Variants in PPARGC1A observed in about 807,000 individuals in gnomAD.
PPARGC1A encodes peroxisome proliferator-activated receptor gamma coactivator 1-alpha.
A neutral mutation model predicts 88.7 loss-of-function variants in PPARGC1A; 25 were observed. The ratio of observed to expected loss-of-function variants is 0.28; its 90% CI spans 0.21 to 0.39. The LOEUF (loss-of-function observed/expected upper bound fraction) is 0.39. Ranked by LOEUF, PPARGC1A falls within the 10% of genes least tolerant of loss-of-function variation. The pLI is 1.00. For synonymous variants in PPARGC1A, 363 were observed against 355.6 expected, an observed-to-expected ratio of 1.02 and a Z score of -0.24; for missense variants, 880 against 968.7, an observed-to-expected ratio of 0.91 and a Z score of 1.22.
chr4:24,368,335 G>A, the PPARGC1A span, among the ~76,000 whole-genome samples: 1 of 152,130 alleles, frequency 6.6e-6, no homozygotes. Context: ...TATAGCTGTG[G>A]ATGGGACAGC....
At chr4:24,166,052 A>G in the PPARGC1A span, among the ~76,000 whole-genome samples, 5 of 152,246 alleles carry the variant, frequency 3.3e-5, no homozygotes, top group African/African-American at 7.2e-5. Context: ...GTTGGAGGAA[A>G]TTAAAAGTGC....
chr4:24,083,788 T>C, the PPARGC1A span, among the ~76,000 whole-genome samples: 1 of 152,352 alleles, frequency 6.6e-6, no homozygotes, highest in South Asian at 2.1e-4. Flanking sequence ...TTGTAAATAG[T>C]TGTTTGTTAG....
the PPARGC1A span, among the ~76,000 whole-genome samples, chr4:24,310,924 C>T: frequency 6.6e-6 from 1 of 151,952 alleles, no homozygotes; most frequent in Non-Finnish European, 1.5e-5. Context: ...ACTATTACAG[C>T]TTGACTCAAT....
the PPARGC1A span, among the ~76,000 whole-genome samples, chr4:23,970,403 G>C: frequency 1.6e-4 from 25 of 152,320 alleles, no homozygotes; most frequent in African/African-American, 6.0e-4. Context: ...TCTGAGTGCA[G>C]CCCTGCTATT....
the PPARGC1A span, among the ~76,000 whole-genome samples, chr4:23,972,197 G>C: frequency 1.3e-5 from 2 of 152,180 alleles, no homozygotes; most frequent in African/African-American, 4.8e-5. Context: ...TAATGAAACT[G>C]TCAGAAGTTA....
At chr4:24,342,252 T>C in the PPARGC1A span, among the ~76,000 whole-genome samples, 1 of 152,162 alleles carries the variant, frequency 6.6e-6, no homozygotes, top group Non-Finnish European at 1.5e-5. Flanking sequence ...TCCAAAGCAC[T>C]TTGCATACAT....
chr4:24,317,585 A>AAC, the PPARGC1A span, among the ~76,000 whole-genome samples: 208 of 137,274 alleles, frequency 1.5e-3, no homozygotes, highest in Middle Eastern at 3.8e-3. Flanking sequence ...AAAAAAAAAA[A>AAC]AAAAAAAAAA....
the PPARGC1A span, among the ~76,000 whole-genome samples, chr4:23,914,618 G>C: frequency 6.6e-6 from 1 of 152,048 alleles, no homozygotes; most frequent in South Asian, 2.1e-4. Context: ...CCCTATATAA[G>C]GAAAATAACC....
the PPARGC1A span, among the ~76,000 whole-genome samples, chr4:24,330,179 C>G: frequency 1.3e-5 from 2 of 152,202 alleles, no homozygotes; most frequent in Non-Finnish European, 1.5e-5. Context: ...TGACATTTCT[C>G]TCATTGAGAG....
intron 2 of PPARGC1A, among the ~76,000 whole-genome samples, chr4:23,850,019 G>C (rs543184060): frequency 4.1e-4 from 63 of 152,226 alleles, no homozygotes; most frequent in African/African-American, 1.5e-3. Context: ...GAAAAAATCA[G>C]AACAGGGAGT....
chr4:23,848,882 A>T (rs1034630750), intron 2 of PPARGC1A, among the ~76,000 whole-genome samples: 1 of 152,230 alleles, frequency 6.6e-6, no homozygotes, highest in African/African-American at 2.4e-5. Flanking sequence ...AAATGGAGAC[A>T]TCTGTAATCC....
chr4:24,060,616 G>A, the PPARGC1A span, among the ~76,000 whole-genome samples: 1 of 152,222 alleles, frequency 6.6e-6, no homozygotes, highest in Non-Finnish European at 1.5e-5. Flanking sequence ...GGGGAAAGAT[G>A]TAATTTTTTT....
intron 1 of PPARGC1A, among the ~76,000 whole-genome samples, chr4:23,899,083 A>C (rs1045069221): frequency 1.3e-5 from 2 of 151,136 alleles, no homozygotes; most frequent in Non-Finnish European, 3.0e-5. Context: ...CTGATGATCC[A>C]CCCCCCCCCG....
the PPARGC1A span, among the ~76,000 whole-genome samples, chr4:24,241,881 A>G: frequency 1.9e-4 from 29 of 152,326 alleles, no homozygotes; most frequent in Admixed American, 1.7e-3. Context: ...TGGCTTCTGT[A>G]TGTGGTTGAA....
the PPARGC1A span, among the ~76,000 whole-genome samples, chr4:23,955,490 C>T: frequency 3.3e-5 from 5 of 151,950 alleles, no homozygotes; most frequent in Non-Finnish European, 7.4e-5. Context: ...TGTAAAGGAG[C>T]AATTTTCTTT....
the PPARGC1A span, among the ~76,000 whole-genome samples, chr4:24,326,225 G>A: frequency 2.0e-5 from 3 of 152,106 alleles, no homozygotes; most frequent in Non-Finnish European, 4.4e-5. Context: ...TGCTTTGAAA[G>A]GATTAAAGCC....
At chr4:24,138,197 G>A in the PPARGC1A span, among the ~76,000 whole-genome samples, 5 of 152,186 alleles carry the variant, frequency 3.3e-5, no homozygotes, top group Admixed American at 1.3e-4. Flanking sequence ...CCTGTAGTCC[G>A]ACAGGGCCAC....
the PPARGC1A span, among the ~76,000 whole-genome samples, chr4:24,128,433 A>ACT: frequency 1.3e-5 from 2 of 151,988 alleles, no homozygotes; most frequent in Non-Finnish European, 2.9e-5. Context: ...TGAAAGAGTG[A>ACT]CTCATGCTTC....
the PPARGC1A span, among the ~76,000 whole-genome samples, chr4:24,145,577 A>G: frequency 6.6e-6 from 1 of 152,192 alleles, no homozygotes; most frequent in Admixed American, 6.5e-5. Flanking sequence ...GCCTTGGGAA[A>G]TACAAGGATT....
Sources: gnomAD v4.1 joint callset for allele counts (sites outside exome capture counted in the v4.1 genomes callset) on GRCh38, gnomAD v4.1.1 for gene constraint, MANE v1.5 for transcripts, NCBI Gene and HGNC (gene_info 2026-07-23, HGNC 2026-07-21) for gene names.